MACROD2: variants seen among roughly 807,000 people sequenced by gnomAD.
MACROD2 encodes mono-ADP ribosylhydrolase 2.
Under a neutral mutation model 70.4 loss-of-function variants are expected in MACROD2, and 36 were observed. The observed-to-expected ratio is 0.51, with a 90% confidence interval of 0.39 to 0.68. MACROD2 has a LOEUF of 0.68. Among genes scored for constraint, MACROD2 ranks in the 30% least tolerant of loss-of-function variants. MACROD2 has a pLI of 0.00. For missense variants in MACROD2, 496 were observed against 538.4 expected (o/e 0.92, Z 0.78); for synonymous variants, 172 against 178.8 (o/e 0.96, Z 0.30).
intron 8 of MACROD2, 118 bp downstream of exon 8, chr20:15,499,965 C>G: frequency 1.1e-6 from 1 of 870,780 alleles, no homozygotes; most frequent in Non-Finnish European, 1.8e-6. Context: ...TGAGCCAAAC[C>G]TAGCTGACCA....
intron 15 of MACROD2, among the ~76,000 whole-genome samples, chr20:16,000,282 C>T (rs1173771610): frequency 6.6e-6 from 1 of 152,208 alleles, no homozygotes; most frequent in Non-Finnish European, 1.5e-5. Context: ...TACGCATCCA[C>T]TTGAGATGTT....
intron 7 of MACROD2, among the ~76,000 whole-genome samples, chr20:15,471,886 T>G (rs1475015453): frequency 6.6e-6 from 1 of 152,144 alleles, no homozygotes; most frequent in East Asian, 1.9e-4. Flanking sequence ...CCTTCCAAAC[T>G]AAATATTTTT....
Position 15,698,443 on chromosome 20 carries a change from G to A in MACROD2, c.646-164302G>A, listed in dbSNP as rs6043457. Among the ~76,000 whole-genome samples, 1,295 of 152,280 alleles carry A rather than the reference G, an allele frequency of 8.5e-3. 22 individuals carry two copies. The highest frequency in any genetic ancestry group is 0.029 in the African/African-American group (1,198 of 41,556). On this transcript the variant is annotated intron_variant, in intron 8 of 17. Coordinates refer to ENST00000684519, the MANE Select transcript of MACROD2 (RefSeq NM_001351661.2). ...TTGTAGGGTTTCTTCTGAGAAATCTGCTGTTAATCTGATAGGTTTTCCTTC... is the reference window on the plus strand; with the variant it reads ...TTGTAGGGTTTCTTCTGAGAAATCTACTGTTAATCTGATAGGTTTTCCTTC...
intron 2 of MACROD2, among the ~76,000 whole-genome samples, chr20:14,076,544 T>C (rs2053918780): frequency 6.6e-6 from 1 of 151,248 alleles, no homozygotes; most frequent in African/African-American, 2.4e-5. Flanking sequence ...CCTGGCTTGG[T>C]AGTGCATGTC....
intron 5 of MACROD2, among the ~76,000 whole-genome samples, chr20:14,987,589 G>A (rs1215972728): frequency 6.6e-6 from 1 of 152,116 alleles, no homozygotes; most frequent in Non-Finnish European, 1.5e-5. Flanking sequence ...AGTAGATCCT[G>A]TTGAATATAT....
At chr20:15,673,414 C>G (rs1353855406) in intron 8 of MACROD2, among the ~76,000 whole-genome samples, 1 of 152,172 alleles carries the variant, frequency 6.6e-6, no homozygotes, top group Non-Finnish European at 1.5e-5. Flanking sequence ...AATGGAATTT[C>G]AACTATCCAG....
chr20:14,051,897 T>A (rs545359537), intron 2 of MACROD2: 2 of 517,082 alleles, frequency 3.9e-6, no homozygotes, highest in Non-Finnish European at 7.7e-6. Flanking sequence ...TACTATAAAC[T>A]TCTGAACCCT....
chr20:14,027,303 C>T (rs1025927857), intron 2 of MACROD2, among the ~76,000 whole-genome samples: 9 of 152,052 alleles, frequency 5.9e-5, no homozygotes, highest in African/African-American at 1.9e-4. Flanking sequence ...TGTTTTTCAG[C>T]TCCATCAGGT....
intron 2 of MACROD2, among the ~76,000 whole-genome samples, chr20:14,027,779 C>G (rs925413799): frequency 6.6e-6 from 1 of 152,190 alleles, no homozygotes; most frequent in Non-Finnish European, 1.5e-5. Flanking sequence ...GTTCCTTCCT[C>G]TGGAAGCTTT....
intron 5 of MACROD2, among the ~76,000 whole-genome samples, chr20:15,228,765 G>A (rs2076934388): frequency 6.6e-6 from 1 of 152,000 alleles, no homozygotes; most frequent in East Asian, 1.9e-4. Context: ...TGGGATTACA[G>A]GCGTGGTCCA....
chr20:14,762,560 G>A (rs2072030099), intron 5 of MACROD2, among the ~76,000 whole-genome samples: 1 of 152,144 alleles, frequency 6.6e-6, no homozygotes, highest in Non-Finnish European at 1.5e-5. Context: ...TTTCTCAGGT[G>A]TCTACTTAGG....
At chr20:14,852,850 T>C (rs1168780479) in intron 5 of MACROD2, among the ~76,000 whole-genome samples, 1 of 152,200 alleles carries the variant, frequency 6.6e-6, no homozygotes, top group Non-Finnish European at 1.5e-5. Context: ...TTTTATTCTG[T>C]TCAACAAACT....
chr20:14,176,691 T>C (rs2081265740), intron 3 of MACROD2, among the ~76,000 whole-genome samples: 1 of 152,228 alleles, frequency 6.6e-6, no homozygotes, highest in African/African-American at 2.4e-5. Context: ...AATTATGTTT[T>C]AAATATCTCT....
At chr20:16,041,383 T>G in intron 16 of MACROD2, 105 bp downstream of exon 16, 1 of 882,400 alleles carries the variant, frequency 1.1e-6, no homozygotes, top group Non-Finnish European at 1.7e-6. Flanking sequence ...GCAACATATT[T>G]GGTTAGAACA....
chr20:14,053,333 TA>T (rs1172762026), intron 2 of MACROD2: 1 of 151,940 alleles, frequency 6.6e-6, no homozygotes, highest in Non-Finnish European at 1.5e-5. Context: ...GAAAAGGGAG[TA>T]AATTAAGGAA....
intron 8 of MACROD2, among the ~76,000 whole-genome samples, chr20:15,587,070 A>G (rs2048612736): frequency 6.6e-6 from 1 of 152,220 alleles, no homozygotes; most frequent in Admixed American, 6.5e-5. Context: ...AACACTGCTG[A>G]TAAATCATAC....
At chr20:15,055,340 G>A (rs899304345) in intron 5 of MACROD2, among the ~76,000 whole-genome samples, 1 of 152,238 alleles carries the variant, frequency 6.6e-6, no homozygotes, top group South Asian at 2.1e-4. Context: ...GAGGATTCCT[G>A]GTTTTTAATT....
chr20:14,522,077 C>T (rs1833837382), intron 4 of MACROD2, among the ~76,000 whole-genome samples: 1 of 152,114 alleles, frequency 6.6e-6, no homozygotes, highest in African/African-American at 2.4e-5. Context: ...ACTCCTGCTC[C>T]CTCCCCACCT....
intron 8 of MACROD2, among the ~76,000 whole-genome samples, chr20:15,678,289 C>T (rs1043833880): frequency 6.6e-6 from 1 of 152,086 alleles, no homozygotes; most frequent in Non-Finnish European, 1.5e-5. Context: ...TCCTTTGAGC[C>T]TAGGAGTTTG....
Sources: gnomAD v4.1 joint callset for allele counts (sites outside exome capture counted in the v4.1 genomes callset) on GRCh38, gnomAD v4.1.1 for gene constraint, MANE v1.5 for transcripts, NCBI Gene and HGNC (gene_info 2026-07-23, HGNC 2026-07-21) for gene names.